The following HPSE2 variants were observed in gnomAD, a reference collection of about 807,000 sequenced individuals.
The protein encoded by HPSE2 is inactive heparanase-2.
HPSE2 carries 38 observed loss-of-function variants against 60.5 expected under a neutral mutation model. The ratio of observed to expected loss-of-function variants is 0.63; its 90% confidence interval spans 0.48 to 0.82. The LOEUF (loss-of-function observed/expected upper bound fraction) is 0.82, where lower values mean the gene tolerates loss of function less well. Among genes scored for constraint, HPSE2 ranks in the 40% least tolerant of loss-of-function variants. The probability of loss-of-function intolerance (pLI) is 0.00; values close to 1 mark genes in which losing one functional copy is unlikely to be tolerated. For missense variants in HPSE2, 713 were observed against 740.4 expected, an observed-to-expected ratio of 0.96 and a Z score of 0.43; for synonymous variants, 295 against 293.2, an observed-to-expected ratio of 1.01 and a Z score of -0.06.
At chr10:99,162,673 T>C (rs1266060335) in intron 2 of HPSE2, among the ~76,000 whole-genome samples, 5 of 152,148 alleles carry the variant, frequency 3.3e-5, no homozygotes, top group Non-Finnish European at 7.4e-5. Context: ...CCAAATAACT[T>C]GTCCTTTAAT....
At chr10:98,660,507 G>A (rs751110707) in intron 6 of HPSE2, among the ~76,000 whole-genome samples, 20 of 152,142 alleles carry the variant, frequency 1.3e-4, no homozygotes, top group South Asian at 2.1e-4. Context: ...TATTAAAAAC[G>A]TAGATTTTAA....
chr10:99,175,653 T>G (rs943023081), intron 2 of HPSE2, among the ~76,000 whole-genome samples: 1 of 152,222 alleles, frequency 6.6e-6, no homozygotes, highest in Non-Finnish European at 1.5e-5. Flanking sequence ...CCCATCTCCC[T>G]GTGACAGAGC....
chr10:98,587,297 T>C (rs1185025790), intron 9 of HPSE2, among the ~76,000 whole-genome samples: 1 of 152,174 alleles, frequency 6.6e-6, no homozygotes, highest in Non-Finnish European at 1.5e-5. Flanking sequence ...AAGCACACGC[T>C]GATTGAAAGC....
intron 9 of HPSE2, among the ~76,000 whole-genome samples, chr10:98,589,684 A>G (rs938389472): frequency 6.6e-6 from 1 of 152,180 alleles, no homozygotes; most frequent in African/African-American, 2.4e-5. Flanking sequence ...TTTAATCCAC[A>G]GTCACATCAT....
chr10:99,037,623 A>C (rs1158798017), intron 3 of HPSE2, among the ~76,000 whole-genome samples: 2 of 152,022 alleles, frequency 1.3e-5, no homozygotes, highest in Non-Finnish European at 2.9e-5. Context: ...ATTTATAAGA[A>C]GGAGAAAGGA....
chr10:98,654,776 T>C (rs1014377902), intron 6 of HPSE2, among the ~76,000 whole-genome samples: 9 of 152,202 alleles, frequency 5.9e-5, no homozygotes, highest in African/African-American at 2.2e-4. Flanking sequence ...TTCTAATTTT[T>C]TTTGTTGAAA....
intron 9 of HPSE2, among the ~76,000 whole-genome samples, chr10:98,582,134 T>C (rs1350689434): frequency 6.6e-6 from 1 of 152,136 alleles, no homozygotes; most frequent in Non-Finnish European, 1.5e-5. Context: ...ATCTTAAAGA[T>C]GAAAAAACAG....
intron 2 of HPSE2, among the ~76,000 whole-genome samples, chr10:99,204,151 A>C (rs1848666190): frequency 1.3e-5 from 2 of 152,182 alleles, no homozygotes; most frequent in African/African-American, 4.8e-5. Flanking sequence ...CCCAGACTTC[A>C]GGCTGATGAC....
At chr10:99,111,654 A>AAT (rs1844468097) in intron 3 of HPSE2, among the ~76,000 whole-genome samples, 1 of 152,312 alleles carries the variant, frequency 6.6e-6, no homozygotes, top group South Asian at 2.1e-4. Flanking sequence ...CTTACCTATA[A>AAT]ACCAGTTTGT....
chr10:98,802,036 C>T (rs1335839438), intron 3 of HPSE2, among the ~76,000 whole-genome samples: 1 of 149,950 alleles, frequency 6.7e-6, no homozygotes, highest in Non-Finnish European at 1.5e-5. Flanking sequence ...CAAATCCACA[C>T]ATCTATAGTG....
chr10:99,160,940 GCA>G (rs148833397), intron 2 of HPSE2, among the ~76,000 whole-genome samples: 2,288 of 150,206 alleles, frequency 0.015, 84 homozygotes, highest in East Asian at 0.14. Flanking sequence ...ATGAGGTCGG[GCA>G]CAGTGGCTCA....
At chr10:98,660,263 A>G (rs1192593997) in intron 6 of HPSE2, among the ~76,000 whole-genome samples, 1 of 152,206 alleles carries the variant, frequency 6.6e-6, no homozygotes, top group African/African-American at 2.4e-5. Context: ...TGTTAGCACT[A>G]TGAGTGCAGA....
chr10:98,541,514 G>A (rs1370221748), intron 9 of HPSE2, among the ~76,000 whole-genome samples: 1 of 152,176 alleles, frequency 6.6e-6, no homozygotes, highest in African/African-American at 2.4e-5. Context: ...TCAGGGCGAG[G>A]CATTGCCTCA....
At chr10:98,990,063 T>G (rs1294235466) in intron 3 of HPSE2, among the ~76,000 whole-genome samples, 1 of 152,172 alleles carries the variant, frequency 6.6e-6, no homozygotes, top group Non-Finnish European at 1.5e-5. Flanking sequence ...GGGCAGGCCA[T>G]GTGGAGATTA....
intron 3 of HPSE2, among the ~76,000 whole-genome samples, chr10:98,812,440 A>G (rs552776336): frequency 6.6e-6 from 1 of 152,252 alleles, no homozygotes; most frequent in Non-Finnish European, 1.5e-5. Context: ...TGAGACTTCA[A>G]CCATTTTAGC....
intron 3 of HPSE2, among the ~76,000 whole-genome samples, chr10:98,939,487 G>T (rs1954921507): frequency 1.4e-5 from 2 of 143,502 alleles, no homozygotes; most frequent in Non-Finnish European, 3.0e-5. Flanking sequence ...GACAAAGAAG[G>T]CCATTACATA....
the HPSE2 span, among the ~76,000 whole-genome samples, chr10:99,287,933 C>T: frequency 6.6e-6 from 1 of 152,086 alleles, no homozygotes; most frequent in Non-Finnish European, 1.5e-5. Context: ...TGTTGTGGAA[C>T]ACTAGTCATT....
At chr10:98,765,978 AAATC>A (rs1377524504) in intron 3 of HPSE2, among the ~76,000 whole-genome samples, 1 of 152,146 alleles carries the variant, frequency 6.6e-6, no homozygotes, top group Non-Finnish European at 1.5e-5. Flanking sequence ...AAATAAATAA[AAATC>A]AATCAACTAA....
At chr10:99,112,392 A>G (rs1844497239) in intron 3 of HPSE2, among the ~76,000 whole-genome samples, 1 of 150,770 alleles carries the variant, frequency 6.6e-6, no homozygotes, top group African/African-American at 2.5e-5. Context: ...GGCGCCTGCC[A>G]CCATGCCCGG....
Sources: allele counts gnomAD v4.1 joint callset (sites outside exome capture counted in the v4.1 genomes callset), GRCh38; gene constraint gnomAD v4.1.1; transcripts MANE v1.5; gene names NCBI Gene and HGNC (gene_info 2026-07-23, HGNC 2026-07-21).